The following RNF175 variants were observed in gnomAD, a reference collection of about 807,000 sequenced individuals.
RNF175 encodes ring finger protein 175.
Under a neutral mutation model 50.0 loss-of-function variants are expected in RNF175, and 38 were observed. That is an observed-to-expected ratio of 0.76 (90% CI 0.59 to 1.00). The LOEUF (loss-of-function observed/expected upper bound fraction) is 1.00, where lower values mean the gene tolerates loss of function less well. RNF175 is among the 50% of genes least tolerant of loss of function. The probability of loss-of-function intolerance (pLI) is 0.00; values close to 1 mark genes in which losing one functional copy is unlikely to be tolerated. For missense variants in RNF175, 388 were observed against 409.6 expected, an observed-to-expected ratio of 0.95 and a Z score of 0.46; for synonymous variants, 155 against 146.1, an observed-to-expected ratio of 1.06 and a Z score of -0.44.
intron 7 of RNF175, chr4:153,715,041 C>T (rs1737817945): frequency 5.8e-6 from 1 of 172,288 alleles, no homozygotes; most frequent in Non-Finnish European, 1.3e-5. Context: ...GCCCCCAAGA[C>T]TACTGTTGCC....
chr4:153,733,564 C>T (rs944316158), intron 3 of RNF175, among the ~76,000 whole-genome samples: 4 of 152,108 alleles, frequency 2.6e-5, no homozygotes, highest in African/African-American at 9.7e-5. Context: ...GTTCCTATTG[C>T]CTTCATCTTA....
intron 1 of RNF175, among the ~76,000 whole-genome samples, chr4:153,756,762 A>C (rs1049752855): frequency 3.9e-5 from 6 of 152,232 alleles, no homozygotes; most frequent in African/African-American, 1.4e-4. Flanking sequence ...ACAAGCAAAC[A>C]AAACAACTGC....
chr4:153,748,431 C>T, intron 3 of RNF175: 1 of 442,394 alleles, frequency 2.3e-6, no homozygotes, highest in East Asian at 3.7e-5. Flanking sequence ...AACTCCCCTC[C>T]CCCTTTTCAC....
chr4:153,720,415 T>C lies in RNF175; in HGVS notation c.510-111A>G, dbSNP rs1290845879. ...TCTAAGAGAACCTTGTGGGTATTTT[T>C]TTTTTCATTTATGTGTTTGATTTTT... On this transcript the variant is annotated intron_variant, in intron 5 of 8. Coordinates refer to ENST00000347063, the MANE Select transcript of RNF175 (RefSeq NM_173662.4). 7 of 829,858 alleles carry C rather than the reference T, an allele frequency of 8.4e-6. No individual in the cohort carries two copies. In the African/African-American group the frequency reaches 8.7e-5, roughly 10 times the overall value. 51.4% of individuals were successfully genotyped at this position (829,858 alleles called of 1,614,324 possible). A position where few individuals can be genotyped will look rare whatever the true frequency, so the allele number is the denominator to read the frequency against.
Position 153,759,779 on chromosome 4 carries a change from G to T in RNF175, c.66+18C>A. ...CCCCGGCCTGGCGTCCCCCACGCCCGCGCCCCCGCGCCAGTACCTGCTCCT... is the reference window on the plus strand; with the variant it reads ...CCCCGGCCTGGCGTCCCCCACGCCCTCGCCCCCGCGCCAGTACCTGCTCCT... On this transcript the variant is annotated intron_variant, in intron 1 of 8. Coordinates refer to ENST00000347063, the MANE Select transcript of RNF175 (RefSeq NM_173662.4). 1 of 1,464,504 alleles carries T rather than the reference G, an allele frequency of 6.8e-7. No individual in the cohort carries two copies. The highest frequency in any genetic ancestry group is 9.0e-7 in the Non-Finnish European group (1 of 1,111,060). The allele number at this position is 1,464,504 out of a possible 1,614,324, so 90.7% of individuals were successfully genotyped here. A position where few individuals can be genotyped will look rare whatever the true frequency, so the allele number is the denominator to read the frequency against.
chr4:153,748,450 A>C, intron 3 of RNF175, 195 bp downstream of exon 3: 1 of 480,540 alleles, frequency 2.1e-6, no homozygotes, highest in Non-Finnish European at 3.6e-6. Context: ...ACCCCCCACA[A>C]GTCTTGACAG....
chr4:153,750,990 TGTA>T (rs1455072779), intron 2 of RNF175, among the ~76,000 whole-genome samples: 6 of 152,352 alleles, frequency 3.9e-5, no homozygotes, highest in African/African-American at 1.4e-4. Flanking sequence ...GGTGTACAAA[TGTA>T]GTAAGTATTT....
intron 3 of RNF175, among the ~76,000 whole-genome samples, chr4:153,747,195 C>A (rs180899451): frequency 6.6e-6 from 1 of 152,326 alleles, no homozygotes; most frequent in East Asian, 1.9e-4. Context: ...CTGTGTTAAT[C>A]CCCTTTATCA....
intron 4 of RNF175, chr4:153,727,739 A>T (rs1320178353): frequency 6.6e-6 from 1 of 152,350 alleles, no homozygotes; most frequent in Non-Finnish European, 1.5e-5. Flanking sequence ...AATGGTAATT[A>T]AAGTGACCAT....
In RNF175 at chr4:153,737,639, T is replaced by C. The variant is rs952907695; in HGVS notation, c.247-9278A>G. 3.9e-5 allele frequency among the ~76,000 whole-genome samples: 6 copies of C among 152,348 alleles called. No individual in the cohort carries two copies. The East Asian group carries it at 1.2e-3, about 29-fold the overall frequency. The stretch of plus-strand genomic sequence containing the variant: ...CATGCTTTCTGTTATTAATTTCTAG[T>C]TTAATTCATTGTGGTTTGAGAGCAT... On this transcript the variant is annotated intron_variant, in intron 3 of 8. Coordinates refer to ENST00000347063, the MANE Select transcript of RNF175 (RefSeq NM_173662.4).
At chr4:153,741,467 T>C (rs1219570651) in intron 3 of RNF175, among the ~76,000 whole-genome samples, 2 of 152,234 alleles carry the variant, frequency 1.3e-5, no homozygotes. Flanking sequence ...CACTACTCTA[T>C]GCACTGCTTC....
chr4:153,751,937 G>A lies in RNF175; in HGVS notation c.67-462C>T, dbSNP rs527964783. On this transcript the variant is annotated intron_variant, in intron 1 of 8. Transcript: ENST00000347063. ...TTCCAAGTTCAAAGTTTCAGAGACAGAGCTGAGCAGAGGCTCCGTTGATTT... is the reference window on the plus strand; with the variant it reads ...TTCCAAGTTCAAAGTTTCAGAGACAAAGCTGAGCAGAGGCTCCGTTGATTT... 3.3e-5 allele frequency among the ~76,000 whole-genome samples: 5 copies of A among 152,256 alleles called. No homozygotes were observed. The East Asian group carries it at 7.8e-4, about 24-fold the overall frequency.
chr4:153,721,682 G>A (rs13117301), intron 5 of RNF175, among the ~76,000 whole-genome samples: 44,449 of 152,008 alleles, frequency 0.29, 7,009 homozygotes, highest in South Asian at 0.47. Context: ...TTTCTAAAGG[G>A]TTAAGTTTTT....
At chr4:153,746,038 G>A (rs532318066) in intron 3 of RNF175, among the ~76,000 whole-genome samples, 1 of 152,146 alleles carries the variant, frequency 6.6e-6, no homozygotes, top group Non-Finnish European at 1.5e-5. Context: ...AACTTGTTCT[G>A]GTAAAAGTCC....
At chr4:153,716,266 C>T (rs922686534) in intron 6 of RNF175, among the ~76,000 whole-genome samples, 1 of 152,068 alleles carries the variant, frequency 6.6e-6, no homozygotes, top group Non-Finnish European at 1.5e-5. Context: ...TCACAGGAAT[C>T]GTTTTTATCC....
chr4:153,758,911 GGTTA>G (rs1740686979), intron 1 of RNF175, among the ~76,000 whole-genome samples: 2 of 152,186 alleles, frequency 1.3e-5, no homozygotes, highest in African/African-American at 4.8e-5. Context: ...AGGAGAAGGG[GGTTA>G]GTCAGGAGCA....
chr4:153,759,735 A>G (rs1740734481), intron 1 of RNF175, 62 bp downstream of exon 1: 2 of 1,144,248 alleles, frequency 1.7e-6, no homozygotes, highest in Non-Finnish European at 2.4e-6. Context: ...CCTGCCCGGC[A>G]CCAGCGTGAG....
At chr4:153,754,708 C>G (rs6838237) in intron 1 of RNF175, among the ~76,000 whole-genome samples, 1 of 151,814 alleles carries the variant, frequency 6.6e-6, no homozygotes, top group Non-Finnish European at 1.5e-5. Flanking sequence ...GAGAAAGGAG[C>G]GGAAGATTTG....
In RNF175 at chr4:153,712,541, A is replaced by T; in HGVS notation, c.800T>A (p.Val267Asp). 1 of 1,613,298 alleles carries T rather than the reference A, an allele frequency of 6.2e-7. No homozygotes were observed. Among genetic ancestry groups the T allele is most frequent in the Non-Finnish European group, 8.5e-7 (1 of 1,179,422 alleles). ...HEFCIRGWCI[V>D]GKKQTCPYCK... The stretch of plus-strand genomic sequence containing the variant: ...GTAAGGGCAAGTCTGCTTTTTCCCA[A>T]CGATACACCAACCTCGGATGCAGAA... Residue 267 changes from valine (V) to aspartate (D), a missense_variant, in exon 8 of 9, where the codon GTT becomes GAT. Coordinates refer to ENST00000347063, the MANE Select transcript of RNF175 (RefSeq NM_173662.4).
Sources: allele counts gnomAD v4.1 joint callset (sites outside exome capture counted in the v4.1 genomes callset), GRCh38; gene constraint gnomAD v4.1.1; transcripts MANE v1.5; gene names NCBI Gene and HGNC (gene_info 2026-07-23, HGNC 2026-07-21).